RNH1: variants seen among roughly 807,000 people sequenced by gnomAD.
The protein encoded by RNH1 is ribonuclease inhibitor.
In RNH1, 38 loss-of-function variants were observed where a neutral mutation model predicts 46.1. That is an observed-to-expected ratio of 0.82 (90% CI 0.64 to 1.08). The LOEUF is 1.08. RNH1 is among the 50% of genes least tolerant of loss of function. The pLI is 0.00. For synonymous variants in RNH1, 319 were observed against 279.1 expected, an observed-to-expected ratio of 1.14 and a Z score of -1.43; for missense variants, 577 against 590.7, an observed-to-expected ratio of 0.98 and a Z score of 0.24.
intron 1 of RNH1, chr11:505,874 C>CTTTTTTTTT (rs35130438): frequency 8.5e-6 from 1 of 118,094 alleles, no homozygotes; most frequent in South Asian, 2.6e-4. Flanking sequence ...CCTAATGTAA[C>CTTTTTTTTT]TTTTTTTTTT....
In RNH1 at chr11:498,125, A is replaced by G. The variant is rs755565668; in HGVS notation, c.973T>C (p.Phe325Leu). 6.8e-6 allele frequency: 11 copies of G among 1,613,618 alleles called. No homozygotes were observed. Among genetic ancestry groups the G allele is most frequent in the Non-Finnish European group, 9.3e-6 (11 of 1,179,866 alleles). ...AAGTGGGAGCAGCAGGCGGCTGTGA[A>G]GCTGCAGGACTTCACCCTGTGGACA... Reference protein sequence around the residue: ...LESLWVKSCSFTAACCSHFSS... With the variant: ...LESLWVKSCSLTAACCSHFSS... Residue 325 changes from phenylalanine to leucine, a missense_variant, in exon 9 of 11, where the codon TTC (phenylalanine) becomes CTC (leucine). Transcript: ENST00000354420.
chr11:495,051 A>C lies in RNH1; in HGVS notation c.1130T>G (p.Leu377Trp), dbSNP rs1373959021. 1.2e-6 allele frequency: 2 copies of C among 1,603,872 alleles called. No individual in the cohort carries two copies. The highest frequency in any genetic ancestry group is 1.7e-6 in the Non-Finnish European group (2 of 1,176,244). The change falls in exon 10 of 11, where the codon TTG (leucine) becomes TGG (tryptophan). Residue 377 changes from leucine to tryptophan, a missense_variant and splice_region_variant. Coordinates refer to ENST00000354420, the MANE Select transcript of RNH1 (RefSeq NM_203387.3). The stretch of plus-strand genomic sequence containing the variant: ...GCTGTCACTCACATCGCAGTCGGCC[A>C]ACCTGGGTGAAGCAGGGCGGGGGTC... ...QPGSVLRVLW[L>W]ADCDVSDSSC...
chr11:495,739 G>A (rs892526986), intron 9 of RNH1, among the ~76,000 whole-genome samples: 1 of 152,174 alleles, frequency 6.6e-6, no homozygotes, highest in East Asian at 1.9e-4. Context: ...CCAGGATGGT[G>A]TCCCCTGGCA....
At chr11:503,710 C>T (rs12419766) in intron 2 of RNH1, 14,842 of 152,306 alleles carry the variant, frequency 0.097, 996 homozygotes, top group Admixed American at 0.19. Context: ...TCCTCTGCAG[C>T]CAGATGAAAG....
At chr11:503,543 G>A (rs913450927) in intron 2 of RNH1, 1 of 147,746 alleles carries the variant, frequency 6.8e-6, no homozygotes, top group African/African-American at 2.5e-5. Flanking sequence ...CCGACCCGAA[G>A]CACGTGAGCA....
chr11:496,130 G>A (rs1332719671), intron 9 of RNH1, among the ~76,000 whole-genome samples: 1 of 152,194 alleles, frequency 6.6e-6, no homozygotes, highest in Non-Finnish European at 1.5e-5. Context: ...TATTTTCTTA[G>A]TAGAACCAAG....
chr11:506,808 A>T (rs1340424543), intron 1 of RNH1: 1 of 152,088 alleles, frequency 6.6e-6, no homozygotes, highest in Non-Finnish European at 1.5e-5. Flanking sequence ...AGGACGAACC[A>T]CGCAGGCGCA....
Position 498,472 on chromosome 11 carries a change from T to G in RNH1, c.941A>C (p.Gln314Pro). 6.2e-7 allele frequency: 1 copy of G among 1,612,974 alleles called. No individual in the cohort carries two copies. Among genetic ancestry groups the G allele is most frequent in the Non-Finnish European group, 8.5e-7 (1 of 1,180,000 alleles). ...CCACACTCACCACAGCGACTCCAGC[T>G]GGCAGCCAGGTTCCAGCAGGGTCTC... ...LCETLLEPGCQLESLWVKSCS... is the reference protein window; with the variant it reads ...LCETLLEPGCPLESLWVKSCS... The change falls in exon 8 of 11, where the codon CAG (glutamine) becomes CCG (proline). Residue 314 changes from glutamine to proline, a missense_variant. Transcript: ENST00000354420.
intron 2 of RNH1, chr11:503,218 T>A (rs1317628720): frequency 4.6e-5 from 7 of 152,198 alleles, no homozygotes; most frequent in African/African-American, 1.7e-4. Context: ...CCCAGAAAGT[T>A]GGCAGGATCC....
At chr11:499,325 C>A in intron 5 of RNH1, 140 bp from the exon 6 acceptor site, 1 of 898,200 alleles carries the variant, frequency 1.1e-6, no homozygotes, top group Non-Finnish European at 1.7e-6. Flanking sequence ...GAGGGACCCC[C>A]ACAGACTCAT....
chr11:499,525 G>C (rs1455595146), intron 5 of RNH1: 1 of 698,162 alleles, frequency 1.4e-6, no homozygotes, highest in Non-Finnish European at 2.6e-6. Flanking sequence ...CTGAGGCGGT[G>C]AGTGGAACCT....
rs528094315 is a variant in RNH1, at chr11:497,586, C to T, written c.1127+385G>A. Reference sequence around the variant, plus strand: ...ACACACGGACACGTGCTCATTCTTGCCCATGTGCTCACACACTGACCCTCG... The same window carrying T: ...ACACACGGACACGTGCTCATTCTTGTCCATGTGCTCACACACTGACCCTCG... On this transcript the variant is annotated intron_variant, in intron 9 of 10. Transcript: ENST00000354420. 1.6e-4 allele frequency among the ~76,000 whole-genome samples: 23 copies of T among 141,522 alleles called. 1 individual carries two copies. In the East Asian group the frequency reaches 3.9e-3, roughly 24 times the overall value. The allele number at this position is 141,522 out of a possible 152,430, so 92.8% of individuals were successfully genotyped here. A position where few individuals can be genotyped will look rare whatever the true frequency, so the allele number is the denominator to read the frequency against.
At chr11:498,972 C>T (rs1849439955) in intron 6 of RNH1, 39 bp from the exon 7 acceptor site, 2 of 1,611,474 alleles carry the variant, frequency 1.2e-6, no homozygotes, top group Non-Finnish European at 1.7e-6. Flanking sequence ...CACGGGACCC[C>T]CCCTAGCCCA....
rs577583188 is a variant in RNH1, at chr11:501,797, C to T, written c.101+265G>A. Reference sequence around the variant, plus strand: ...CAAGGGAGGGAGAGGAGCTGAGACACCGGAGCCAGAGACCCACTGGCCAGT... The same window carrying T: ...CAAGGGAGGGAGAGGAGCTGAGACATCGGAGCCAGAGACCCACTGGCCAGT... On this transcript the variant is annotated intron_variant, in intron 3 of 10. Transcript: ENST00000354420. The surrounding 1 kb of genome is among the most constrained non-coding windows in gnomAD (Gnocchi z 4.1). 209 of 512,290 alleles carry T rather than the reference C, an allele frequency of 4.1e-4. 3 individuals carry two copies. In the South Asian group the frequency reaches 4.9e-3, roughly 12 times the overall value. The allele number at this position is 512,290 out of a possible 1,614,324, so 31.7% of individuals were successfully genotyped here.
intron 4 of RNH1, 195 bp from the exon 5 acceptor site, chr11:500,194 C>A: frequency 1.4e-6 from 1 of 702,448 alleles, no homozygotes; most frequent in South Asian, 1.9e-5. Flanking sequence ...CCCAGGGAAA[C>A]CTTGTCTGCA....
intron 5 of RNH1, 70 bp from the exon 6 acceptor site, chr11:499,255 G>A (rs1490612804): frequency 1.9e-5 from 29 of 1,531,780 alleles, no homozygotes; most frequent in East Asian, 6.8e-5. Context: ...CAGGGAGCAC[G>A]GGGTGTGCTG....
intron 9 of RNH1, among the ~76,000 whole-genome samples, chr11:497,697 G>A (rs144688433): frequency 6.2e-5 from 8 of 128,100 alleles, no homozygotes; most frequent in Admixed American, 1.5e-4. Context: ...GCTCACACAC[G>A]GACACTCGTG....
Position 498,585 on chromosome 11 carries a change from C to G in RNH1, c.828G>C (p.Leu276=). 6.2e-7 allele frequency: 1 copy of G among 1,612,978 alleles called. No individual in the cohort carries two copies. The highest frequency in any genetic ancestry group is 8.5e-7 in the Non-Finnish European group (1 of 1,180,036). Residue 276 remains leucine, a synonymous_variant, in exon 8 of 11, where the codon CTG becomes CTC. Coordinates refer to ENST00000354420, the MANE Select transcript of RNH1 (RefSeq NM_203387.3). Reference sequence around the variant, plus strand: ...TCTCCTTGGCCCTGAGGACACGGCACAGATCCCCGCAGCCCTTGGCAGTGA... The same window carrying G: ...TCTCCTTGGCCCTGAGGACACGGCAGAGATCCCCGCAGCCCTTGGCAGTGA... The part of the protein sequence containing the change: ...CGITAKGCGD[L]CRVLRAKESL...
chr11:500,465 G>T lies in RNH1; in HGVS notation c.272+19C>A. The T allele has an allele frequency of 1.3e-6, 2 of 1,597,310 alleles. No homozygotes were observed. Among genetic ancestry groups the T allele is most frequent in the Non-Finnish European group, 1.7e-6 (2 of 1,174,252 alleles). On this transcript the variant is annotated intron_variant, in intron 4 of 10. Coordinates refer to ENST00000354420, the MANE Select transcript of RNH1 (RefSeq NM_203387.3). ...AGCAGACTGCACCAGGCCAGAGGCAGTGCCAGGCCCCGCCTCACCTCAGCT... is the reference window on the plus strand; with the variant it reads ...AGCAGACTGCACCAGGCCAGAGGCATTGCCAGGCCCCGCCTCACCTCAGCT...
Sources: allele counts gnomAD v4.1 joint callset (sites outside exome capture counted in the v4.1 genomes callset), GRCh38; gene constraint gnomAD v4.1.1; non-coding constraint Gnocchi (gnomAD v3.1); transcripts MANE v1.5; gene names NCBI Gene and HGNC (gene_info 2026-07-23, HGNC 2026-07-21).